CSMD1: variants seen among roughly 807,000 people sequenced by gnomAD.
CSMD1 encodes the protein CUB and sushi domain-containing protein 1.
In CSMD1, 213 loss-of-function variants were observed where a neutral mutation model predicts 417.5. The ratio of observed to expected loss-of-function variants is 0.51; its 90% CI spans 0.46 to 0.57. The LOEUF (loss-of-function observed/expected upper bound fraction) is 0.57, where lower values mean the gene tolerates loss of function less well. Ranked by LOEUF, CSMD1 falls within the 20% of genes least tolerant of loss-of-function variation. CSMD1 has a pLI of 0.00. For synonymous variants in CSMD1, 2,862 were observed against 1,736.8 expected (o/e 1.65, Z -16.11); for missense variants, 6,923 against 4,529.7 (o/e 1.53, Z -15.17).
chr8:4,086,420 A>C (rs968028268), intron 3 of CSMD1, among the ~76,000 whole-genome samples: 1 of 152,218 alleles, frequency 6.6e-6, no homozygotes, highest in Non-Finnish European at 1.5e-5. Flanking sequence ...TCATTTTGAA[A>C]ATCATATTTT....
intron 5 of CSMD1, among the ~76,000 whole-genome samples, chr8:3,893,251 TG>T (rs1185549928): frequency 6.7e-6 from 1 of 149,314 alleles, no homozygotes; most frequent in Non-Finnish European, 1.5e-5. Context: ...TTCTTATATT[TG>T]TAATATTTTA....
At chr8:4,917,770 T>A (rs370463473) in intron 1 of CSMD1, among the ~76,000 whole-genome samples, 1 of 152,298 alleles carries the variant, frequency 6.6e-6, no homozygotes, top group East Asian at 1.9e-4. Flanking sequence ...CAATACCTAA[T>A]AATAAAAGCC....
intron 12 of CSMD1, among the ~76,000 whole-genome samples, chr8:3,435,733 C>G (rs75706440): frequency 6.6e-6 from 1 of 152,176 alleles, no homozygotes; most frequent in South Asian, 2.1e-4. Context: ...CTACACGTCA[C>G]TCAATCAGGT....
intron 7 of CSMD1, among the ~76,000 whole-genome samples, chr8:3,652,211 A>G (rs1797893142): frequency 6.7e-6 from 1 of 149,726 alleles, no homozygotes; most frequent in African/African-American, 2.5e-5. Context: ...GCCTACCACC[A>G]TCAGAGCGCC....
At chr8:3,584,936 T>C (rs1334201076) in intron 9 of CSMD1, among the ~76,000 whole-genome samples, 1 of 152,118 alleles carries the variant, frequency 6.6e-6, no homozygotes, top group Non-Finnish European at 1.5e-5. Context: ...AATTGAAAAA[T>C]GCACAATCAA....
chr8:3,768,406 ATCC>A (rs1798400104), intron 5 of CSMD1, among the ~76,000 whole-genome samples: 2 of 152,200 alleles, frequency 1.3e-5, no homozygotes, highest in African/African-American at 4.8e-5. Context: ...CTTTAGATCA[ATCC>A]ATGTTTATAA....
intron 2 of CSMD1, among the ~76,000 whole-genome samples, chr8:4,636,919 C>T (rs1004148058): frequency 2.0e-5 from 3 of 151,950 alleles, no homozygotes; most frequent in African/African-American, 7.3e-5. Context: ...CCAATCAGCG[C>T]TCTGTAAAAT....
At chr8:3,209,830 C>A (rs144950894) in intron 30 of CSMD1, among the ~76,000 whole-genome samples, 1 of 152,082 alleles carries the variant, frequency 6.6e-6, no homozygotes, top group Non-Finnish European at 1.5e-5. Context: ...TAACAAGAAG[C>A]TTGCTTATCC....
rs573564280 is a variant in CSMD1, at chr8:3,839,277, TATA to T, written c.819-85238_819-85236del. 3.0e-3 allele frequency among the ~76,000 whole-genome samples: 369 copies of T among 124,676 alleles called. 4 individuals are homozygous for T. Among genetic ancestry groups the T allele is most frequent in the African/African-American group, 0.01 (343 of 33,522 alleles). The allele number at this position is 124,676 out of a possible 152,430, so 81.8% of individuals were successfully genotyped here. A position where few individuals can be genotyped will look rare whatever the true frequency, so the allele number is the denominator to read the frequency against. On this transcript the variant is annotated intron_variant, in intron 5 of 69. Coordinates refer to ENST00000635120, the MANE Select transcript of CSMD1 (RefSeq NM_033225.6). ...ATATTACTTATATATACTATTAATA[TATA>T]ATATTAATTATATATACTATTATAT... is the stretch of plus-strand genomic sequence containing the variant.
intron 40 of CSMD1, among the ~76,000 whole-genome samples, chr8:3,143,105 C>T (rs1015252788): frequency 1.3e-5 from 2 of 151,970 alleles, no homozygotes; most frequent in African/African-American, 4.8e-5. Context: ...CAAGGAAAAA[C>T]AACAACAACA....
Position 4,568,952 on chromosome 8 carries a change from G to A in CSMD1, c.302+68390C>T, listed in dbSNP as rs569137340. ...AAGTGTCTGTTCATATCCTTCACCC[G>A]CTTTTTGATGGGTTTTTTCTTGTAA... On this transcript the variant is annotated intron_variant, in intron 2 of 69. Coordinates refer to ENST00000635120, the MANE Select transcript of CSMD1 (RefSeq NM_033225.6). 3.9e-4 allele frequency among the ~76,000 whole-genome samples: 60 copies of A among 151,930 alleles called. 1 individual carries two copies. Among genetic ancestry groups the A allele is most frequent in the South Asian group, 6.3e-4 (3 of 4,794 alleles).
chr8:4,957,083 A>AGAAGTAT (rs1236816152), intron 1 of CSMD1, among the ~76,000 whole-genome samples: 1 of 152,240 alleles, frequency 6.6e-6, no homozygotes, highest in African/African-American at 2.4e-5. Context: ...CAGATATGCT[A>AGAAGTAT]GAAGTATGAA....
intron 10 of CSMD1, among the ~76,000 whole-genome samples, chr8:3,532,978 T>C (rs992328351): frequency 2.0e-5 from 3 of 152,224 alleles, no homozygotes; most frequent in Non-Finnish European, 4.4e-5. Context: ...AATCACCTCA[T>C]TTTATACATT....
At chr8:3,648,581 TTTTGA>T (rs1325336967) in intron 7 of CSMD1, among the ~76,000 whole-genome samples, 3 of 152,196 alleles carry the variant, frequency 2.0e-5, no homozygotes, top group Non-Finnish European at 4.4e-5. Context: ...TGGAACTTTG[TTTTGA>T]TTTTAGAACA....
At position 3,924,241 on chromosome 8, in the gene CSMD1, T is replaced by G. The variant is rs76334628; in HGVS notation, c.818+73662A>C. On this transcript the variant is annotated intron_variant, in intron 5 of 69. Coordinates refer to ENST00000635120, the MANE Select transcript of CSMD1 (RefSeq NM_033225.6). ...TTTTTCCTGGTCTTCAGAAAGATGC[T>G]GATGTTCTTGTAGGGATACCTTATA... Among the ~76,000 whole-genome samples, 1,487 of 152,354 alleles carry G rather than the reference T, an allele frequency of 9.8e-3. 31 individuals are homozygous for G. The highest frequency in any genetic ancestry group is 0.034 in the African/African-American group (1,422 of 41,582).
chr8:4,458,740 G>T (rs1046887171), intron 2 of CSMD1, among the ~76,000 whole-genome samples: 1 of 152,020 alleles, frequency 6.6e-6, no homozygotes, highest in African/African-American at 2.4e-5. Context: ...TTCTCCTTTT[G>T]TTACTTACAA....
intron 8 of CSMD1, among the ~76,000 whole-genome samples, chr8:3,604,153 T>C (rs1164312072): frequency 1.3e-5 from 2 of 152,210 alleles, no homozygotes; most frequent in South Asian, 2.1e-4. Context: ...AAAGTTCTTC[T>C]CTCTACGGGG....
intron 3 of CSMD1, among the ~76,000 whole-genome samples, chr8:4,362,634 C>G (rs1442047704): frequency 6.6e-6 from 1 of 152,122 alleles, no homozygotes; most frequent in Non-Finnish European, 1.5e-5. Context: ...CAGTTTGCTA[C>G]CCCCTCTACT....
chr8:3,709,644 T>C (rs1184284305), intron 6 of CSMD1, among the ~76,000 whole-genome samples: 6 of 145,812 alleles, frequency 4.1e-5, no homozygotes. Context: ...AGGCAAGACT[T>C]CCTCCTGCCT....
Sources: allele counts gnomAD v4.1 joint callset (sites outside exome capture counted in the v4.1 genomes callset), GRCh38; gene constraint gnomAD v4.1.1; transcripts MANE v1.5; gene names NCBI Gene and HGNC (gene_info 2026-07-23, HGNC 2026-07-21).